GARNL3: variants seen among roughly 807,000 people sequenced by gnomAD.
GARNL3 encodes the protein GTPase activating Rap/RanGAP domain like 3.
Under a neutral mutation model 125.0 loss-of-function variants are expected in GARNL3, and 63 were observed. That is an observed-to-expected ratio of 0.50 (90% CI 0.41 to 0.62). The LOEUF is 0.62. Ranked by LOEUF, GARNL3 falls within the 20% of genes least tolerant of loss-of-function variation. GARNL3 has a pLI of 0.00. For synonymous variants in GARNL3, 439 were observed against 457.5 expected, an observed-to-expected ratio of 0.96 and a Z score of 0.52; for missense variants, 994 against 1,244.0, an observed-to-expected ratio of 0.80 and a Z score of 3.02.
chr9:127,389,404 T>A (rs1490689234), intron 26 of GARNL3, among the ~76,000 whole-genome samples: 1 of 152,188 alleles, frequency 6.6e-6, no homozygotes, highest in Non-Finnish European at 1.5e-5. Flanking sequence ...ATACCATTTT[T>A]AAAAATAAAA....
chr9:127,246,680 G>A (rs188120181), intron 2 of GARNL3, among the ~76,000 whole-genome samples: 33 of 152,196 alleles, frequency 2.2e-4, no homozygotes, highest in African/African-American at 7.2e-4. Context: ...GGTGACATGT[G>A]CCTGTAGTCC....
At position 127,282,018 on chromosome 9, in the gene GARNL3, C is replaced by T. The variant is rs143248931; in HGVS notation, c.145-9150C>T. On this transcript the variant is annotated intron_variant, in intron 1 of 27. Transcript: ENST00000373387. ...TGCAACCTTCCCCAGTTCCCCCAGG[C>T]AGAGTTGGTCTCTCCAGTGTCTGTC... 1.7e-3 allele frequency among the ~76,000 whole-genome samples: 259 copies of T among 152,350 alleles called. 2 individuals carry two copies. The highest frequency in any genetic ancestry group is 6.0e-3 in the African/African-American group (248 of 41,582).
chr9:127,242,818 C>T lies in GARNL3; in HGVS notation c.-28-261C>T, dbSNP rs2131169253. Among the ~76,000 whole-genome samples, 1 of 152,236 alleles carries T rather than the reference C, an allele frequency of 6.6e-6. No individual in the cohort carries two copies. The highest frequency in any genetic ancestry group is 1.5e-5 in the Non-Finnish European group (1 of 68,028). ...GATTGTTCAAATGCTCACTGGGCCT[C>T]CTTTTACTTTATACTCCGCGGACTT... is the stretch of plus-strand genomic sequence containing the variant. On this transcript the variant is annotated intron_variant, in intron 1 of 10. Coordinates refer to the GARNL3 transcript ENST00000439286. The surrounding 1 kb of genome is among the most constrained non-coding windows in gnomAD (Gnocchi z 4.6).
intron 1 of GARNL3, among the ~76,000 whole-genome samples, chr9:127,225,772 C>G (rs1012327910): frequency 1.7e-4 from 26 of 150,540 alleles, no homozygotes; most frequent in African/African-American, 6.4e-4. Context: ...CCCGCGTGCC[C>G]TGGCAGCCGC....
At chr9:127,228,087 T>G (rs779817196) in intron 1 of GARNL3, among the ~76,000 whole-genome samples, 2 of 152,246 alleles carry the variant, frequency 1.3e-5, no homozygotes, top group Non-Finnish European at 2.9e-5. Flanking sequence ...TTTAACTTGC[T>G]TTTCCACTTA....
At chr9:127,334,980 G>T (rs1349313663) in intron 9 of GARNL3, among the ~76,000 whole-genome samples, 1 of 152,170 alleles carries the variant, frequency 6.6e-6, no homozygotes, top group Admixed American at 6.5e-5. Flanking sequence ...CTTTAGCCTG[G>T]ACTTCTTATG....
chr9:127,236,497 G>A (rs1302054848), intron 1 of GARNL3, among the ~76,000 whole-genome samples: 1 of 152,156 alleles, frequency 6.6e-6, no homozygotes, highest in African/African-American at 2.4e-5. Flanking sequence ...CAGACAGTCC[G>A]GAGCACAGTG....
chr9:127,335,251 C>A lies in GARNL3; in HGVS notation c.791C>A (p.Ser264Ter). ...GCAGATGATACCACAGGGATACATT[C>A]AGTTTATACTGTGTACCAAGGGCAT... The part of the protein sequence containing the change: ...DTKNDTTGIH[S>*]VYTVYQGHEI... The change falls in exon 10 of 28, where the codon TCA (serine) becomes TAA (stop). Residue 264 changes from serine to a stop codon, truncating the protein, a stop_gained. Coordinates refer to ENST00000373387, the MANE Select transcript of GARNL3 (RefSeq NM_032293.5). LOFTEE classifies it high-confidence loss of function. The A allele has an allele frequency of 6.2e-7, 1 of 1,612,924 alleles. No individual in the cohort carries two copies. The highest frequency in any genetic ancestry group is 8.5e-7 in the Non-Finnish European group (1 of 1,178,878).
chr9:127,331,654 C>T (rs777229093), intron 7 of GARNL3, among the ~76,000 whole-genome samples: 27 of 144,712 alleles, frequency 1.9e-4, no homozygotes, highest in Non-Finnish European at 3.0e-4. Flanking sequence ...AGAATTAATT[C>T]GGTTTAAAGT....
intron 1 of GARNL3, among the ~76,000 whole-genome samples, chr9:127,269,110 T>TA (rs2063762967): frequency 6.6e-6 from 1 of 152,134 alleles, no homozygotes; most frequent in Non-Finnish European, 1.5e-5. Flanking sequence ...GTAATCCTCC[T>TA]ACCTCAGCCT....
chr9:127,334,028 C>A (rs1178007709), intron 9 of GARNL3, among the ~76,000 whole-genome samples: 2 of 152,032 alleles, frequency 1.3e-5, no homozygotes, highest in African/African-American at 4.8e-5. Flanking sequence ...GGAACTAATT[C>A]AAGAGCCATT....
intron 21 of GARNL3, among the ~76,000 whole-genome samples, chr9:127,360,667 C>T (rs370245439): frequency 6.6e-6 from 1 of 152,202 alleles, no homozygotes; most frequent in Non-Finnish European, 1.5e-5. Flanking sequence ...GAGAAGCTGA[C>T]ACAGCGTAGG....
upstream of GARNL3, chr9:127,264,442 G>T: frequency 1.2e-6 from 1 of 861,130 alleles, no homozygotes; most frequent in Non-Finnish European, 1.4e-6. Flanking sequence ...AAGGGGGACA[G>T]AGGGTGGAGC....
chr9:127,243,855 G>A (rs927889620), intron 2 of GARNL3, among the ~76,000 whole-genome samples: 3 of 152,086 alleles, frequency 2.0e-5, no homozygotes, highest in African/African-American at 7.2e-5. Context: ...GATAATACTC[G>A]GATGAATGAA....
intron 2 of GARNL3, among the ~76,000 whole-genome samples, chr9:127,257,859 G>A (rs1401698320): frequency 6.6e-6 from 1 of 152,230 alleles, no homozygotes; most frequent in East Asian, 1.9e-4. Flanking sequence ...TGAACCAGGA[G>A]CTCTATAAGG....
chr9:127,339,125 G>A (rs566083017), intron 12 of GARNL3, among the ~76,000 whole-genome samples: 9 of 151,636 alleles, frequency 5.9e-5, no homozygotes, highest in African/African-American at 1.5e-4. Context: ...ATGAAACCCC[G>A]TCTGTACTAA....
At chr9:127,346,542 A>G (rs1204972725) in intron 16 of GARNL3, among the ~76,000 whole-genome samples, 3 of 152,244 alleles carry the variant, frequency 2.0e-5, no homozygotes, top group African/African-American at 4.8e-5. Flanking sequence ...CAAGTACGTT[A>G]TAGATACCAG....
intron 2 of GARNL3, among the ~76,000 whole-genome samples, chr9:127,255,075 T>C (rs1053575107): frequency 1.3e-5 from 2 of 152,160 alleles, no homozygotes; most frequent in African/African-American, 2.4e-5. Context: ...GCGTACTCAC[T>C]TCGGAAAGCA....
chr9:127,313,333 T>C, intron 3 of GARNL3, 108 bp from the exon 4 acceptor site: 1 of 796,668 alleles, frequency 1.3e-6, no homozygotes, highest in Non-Finnish European at 2.2e-6. Flanking sequence ...TTGGGATTAT[T>C]GTTCCCTGAG....
Sources: allele counts gnomAD v4.1 joint callset (sites outside exome capture counted in the v4.1 genomes callset), GRCh38; gene constraint gnomAD v4.1.1; non-coding constraint Gnocchi (gnomAD v3.1); transcripts MANE v1.5; gene names NCBI Gene and HGNC (gene_info 2026-07-23, HGNC 2026-07-21).